Variants in AGO1 observed in about 807,000 individuals in gnomAD.
AGO1 encodes the protein protein argonaute-1.
In AGO1, 11 loss-of-function variants were observed where a neutral mutation model predicts 109.2. That is an observed-to-expected ratio of 0.10 (90% CI 0.06 to 0.17). The LOEUF is 0.17. Among genes scored for constraint, AGO1 ranks in the 10% least tolerant of loss-of-function variants. The pLI, the probability that AGO1 is intolerant of heterozygous loss-of-function variation, is 1.00. For synonymous variants in AGO1, 422 were observed against 418.6 expected (o/e 1.01, Z -0.10); for missense variants, 574 against 1,140.3 (o/e 0.50, Z 7.15).
rs541369506 is a variant in AGO1 at position 35,899,372 on chromosome 1, A to G, written c.1021-2102A>G. On this transcript the variant is annotated intron_variant, in intron 8 of 18. Transcript: ENST00000373204. ...ACAGAGATGTAAAAATATTTGTTGA[A>G]GTTCCTGTTTTCATTTTTTTTGAGT... Among the ~76,000 whole-genome samples the G allele has an allele frequency of 2.6e-5, 4 of 152,290 alleles. No homozygotes were observed. In the East Asian group the frequency reaches 7.7e-4, roughly 29 times the overall value.
intron 14 of AGO1, among the ~76,000 whole-genome samples, chr1:35,914,518 G>A (rs1250714690): frequency 1.3e-5 from 2 of 152,176 alleles, no homozygotes; most frequent in African/African-American, 4.8e-5. Flanking sequence ...CTCTTGCTCT[G>A]CATTTGAATG....
intron 1 of AGO1, among the ~76,000 whole-genome samples, chr1:35,875,537 C>T (rs938914913): frequency 6.6e-6 from 1 of 152,166 alleles, no homozygotes; most frequent in African/African-American, 2.4e-5. Context: ...CCTCAGCCTC[C>T]TGAGTAGCTG....
Position 35,893,947 on chromosome 1 carries a change from C to T in AGO1, c.650-90C>T. 6.6e-7 allele frequency: 1 copy of T among 1,519,932 alleles called. No individual in the cohort carries two copies. Among genetic ancestry groups the T allele is most frequent in the South Asian group, 1.3e-5 (1 of 77,812 alleles). 94.2% of individuals were successfully genotyped at this position (1,519,932 alleles called of 1,614,324 possible). ...GGCACCCCCTTCCCCCATCCCAATGCCCTTTAAGGAAGAGGGTATAAATTG... is the reference window on the plus strand; with the variant it reads ...GGCACCCCCTTCCCCCATCCCAATGTCCTTTAAGGAAGAGGGTATAAATTG... On this transcript the variant is annotated intron_variant, in intron 5 of 18. Transcript: ENST00000373204. The surrounding 1 kb of genome is among the most constrained non-coding windows in gnomAD (Gnocchi z 5.6).
At chr1:35,906,825 ACC>A in intron 11 of AGO1, 108 bp from the exon 12 acceptor site, 4 of 923,672 alleles carry the variant, frequency 4.3e-6, no homozygotes, top group South Asian at 1.9e-5. Flanking sequence ...AAAAAAAAAA[ACC>A]AATCTCTCAG....
At chr1:35,916,501 G>A (rs1326254104) in intron 15 of AGO1, among the ~76,000 whole-genome samples, 1 of 152,066 alleles carries the variant, frequency 6.6e-6, no homozygotes, top group African/African-American at 2.4e-5. Context: ...CCAAGTAGCT[G>A]GGGCTATAGG....
Position 35,913,221 on chromosome 1 carries a change from A to G in AGO1, c.1583-621A>G, listed in dbSNP as rs141335309. Among the ~76,000 whole-genome samples the G allele has an allele frequency of 2.6e-3, 393 of 151,948 alleles. 1 individual carries two copies. Among genetic ancestry groups the G allele is most frequent in the African/African-American group, 8.5e-3 (351 of 41,428 alleles). The stretch of plus-strand genomic sequence containing the variant: ...TTTTTAGTAGAGATGGGGTTTCACC[A>G]TGTTAACCAGGATGATCTCAATCTC... On this transcript the variant is annotated intron_variant, in intron 12 of 18. Transcript: ENST00000373204.
chr1:35,891,949 C>G (rs1645227731), intron 2 of AGO1, among the ~76,000 whole-genome samples: 1 of 152,038 alleles, frequency 6.6e-6, no homozygotes, highest in African/African-American at 2.4e-5. Flanking sequence ...GTGATTATAG[C>G]TCACTGTAAC....
rs1645597754 is a variant in AGO1 at position 35,909,685 on chromosome 1, A to C, written c.1582+2566A>C. 2.0e-5 allele frequency among the ~76,000 whole-genome samples: 3 copies of C among 152,138 alleles called. No homozygotes were observed. The South Asian group carries it at 6.2e-4, about 32-fold the overall frequency. Reference sequence around the variant, plus strand: ...CAGGCCACTGATCAGTTACTACCTTACTTGATACTTTGTTGTGGAGTGGAT... The same window carrying C: ...CAGGCCACTGATCAGTTACTACCTTCCTTGATACTTTGTTGTGGAGTGGAT... On this transcript the variant is annotated intron_variant, in intron 12 of 18. Coordinates refer to ENST00000373204, the MANE Select transcript of AGO1 (RefSeq NM_012199.5).
chr1:35,874,229 A>G (rs1418156999), intron 1 of AGO1, among the ~76,000 whole-genome samples: 2 of 152,190 alleles, frequency 1.3e-5, no homozygotes, highest in African/African-American at 4.8e-5. Context: ...GTGCAGAGGC[A>G]TGATCATGGC....
At chr1:35,878,777 A>G (rs1191657338), upstream of AGO1, among the ~76,000 whole-genome samples, 1 of 152,202 alleles carries the variant, frequency 6.6e-6, no homozygotes, top group East Asian at 1.9e-4. Flanking sequence ...ATATTTTATC[A>G]TAATTAGTTA....
At chr1:35,899,073 A>G (rs1000969039) in intron 8 of AGO1, among the ~76,000 whole-genome samples, 1 of 152,126 alleles carries the variant, frequency 6.6e-6, no homozygotes, top group Non-Finnish European at 1.5e-5. Flanking sequence ...ACCCCTAGCA[A>G]CCACCATTCT....
intron 1 of AGO1, among the ~76,000 whole-genome samples, chr1:35,874,131 AATAAG>A (rs1164823265): frequency 6.6e-6 from 1 of 152,246 alleles, no homozygotes. Context: ...ACCATGGCCA[AATAAG>A]ATGGCAAATT....
chr1:35,898,105 T>G (rs1425550395), intron 8 of AGO1, among the ~76,000 whole-genome samples: 1 of 152,236 alleles, frequency 6.6e-6, no homozygotes, highest in East Asian at 1.9e-4. Flanking sequence ...TTAATTCATT[T>G]ATCAGTTAAT....
rs768528277 is a variant in AGO1 at position 35,893,224 on chromosome 1, C to T, written c.458C>T (p.Pro153Leu). The change falls in exon 4 of 19, where the codon CCC becomes CTC. Residue 153 changes from proline to leucine, a missense_variant. By Grantham distance (98) the Pro-to-Leu change is moderately conservative (BLOSUM62 -3). Coordinates refer to ENST00000373204, the MANE Select transcript of AGO1 (RefSeq NM_012199.5). The surrounding 1 kb of genome is among the most constrained non-coding windows in gnomAD (Gnocchi z 5.6). ...EALVSGQIPV[P>L]LESVQALDVA... ...CTGGTCAGCGGCCAGATCCCTGTTC[C>T]CTTGGAGTCTGTGCAAGCCCTGGAT... is the stretch of plus-strand genomic sequence containing the variant. 3 of 1,614,112 alleles carry T rather than the reference C, an allele frequency of 1.9e-6. No individual in the cohort carries two copies. The highest frequency in any genetic ancestry group is 2.5e-6 in the Non-Finnish European group (3 of 1,180,016).
chr1:35,887,072 C>T (rs1367017327), intron 1 of AGO1, among the ~76,000 whole-genome samples: 1 of 152,156 alleles, frequency 6.6e-6, no homozygotes, highest in Admixed American at 6.5e-5. Context: ...TTCCCTTCCC[C>T]ATGTAGCTGA....
intron 11 of AGO1, among the ~76,000 whole-genome samples, chr1:35,905,333 A>AT (rs2148717917): frequency 6.6e-6 from 1 of 152,312 alleles, no homozygotes; most frequent in Non-Finnish European, 1.5e-5. Flanking sequence ...TTATTCTAAC[A>AT]TTCATTTTGA....
chr1:35,919,625 C>T lies in AGO1; in HGVS notation c.*18C>T, dbSNP rs766609131. 4 of 1,605,856 alleles carry T rather than the reference C, an allele frequency of 2.5e-6. No individual in the cohort carries two copies. The highest frequency in any genetic ancestry group is 3.4e-6 in the Non-Finnish European group (4 of 1,174,366). On this transcript the variant is annotated 3_prime_UTR_variant, in exon 19 of 19. Coordinates refer to ENST00000373204, the MANE Select transcript of AGO1 (RefSeq NM_012199.5). This position sits in a 1 kb window ranked among gnomAD's most constrained non-coding sequence, Gnocchi z 6.6. ...TCGCTTGAAGGCAGAACGCTGTTAC[C>T]TCACTGGATAGAAGAAAGCTTTCCA...
rs983370268 is a variant in AGO1, at chr1:35,929,995, A to T, written c.*10388A>T. 7.2e-5 allele frequency: 11 copies of T among 152,222 alleles called. No individual in the cohort carries two copies. The highest frequency in any genetic ancestry group is 2.7e-4 in the African/African-American group (11 of 41,454). The allele number at this position is 152,222 out of a possible 1,614,324, so 9.4% of individuals were successfully genotyped here. ...ATTCTTTCTCCTTTTCCTCTTTAAA[A>T]AATTATTTTGATTAAAAAAAACCGT... On this transcript the variant is annotated 3_prime_UTR_variant, in exon 19 of 19. Coordinates refer to ENST00000373204, the MANE Select transcript of AGO1 (RefSeq NM_012199.5).
rs925197893 is a variant in AGO1 at position 35,924,438 on chromosome 1, T to G, written c.*4831T>G. 3.9e-5 allele frequency: 6 copies of G among 152,292 alleles called. No homozygotes were observed. Among genetic ancestry groups the G allele is most frequent in the Non-Finnish European group, 5.9e-5 (4 of 68,058 alleles). 9.4% of individuals were successfully genotyped at this position (152,292 alleles called of 1,614,324 possible). A position where few individuals can be genotyped will look rare whatever the true frequency, so the allele number is the denominator to read the frequency against. ...CACAGAGCCTTCATTTATTCTTCATTCAACAAACATGCAAAGCACTGTGCC... is the reference window on the plus strand; with the variant it reads ...CACAGAGCCTTCATTTATTCTTCATGCAACAAACATGCAAAGCACTGTGCC... On this transcript the variant is annotated 3_prime_UTR_variant, in exon 19 of 19. Transcript: ENST00000373204.
Sources: allele counts gnomAD v4.1 joint callset (sites outside exome capture counted in the v4.1 genomes callset), GRCh38; gene constraint gnomAD v4.1.1; non-coding constraint Gnocchi (gnomAD v3.1); transcripts MANE v1.5; gene names NCBI Gene and HGNC (gene_info 2026-07-23, HGNC 2026-07-21).